Variants in PPARGC1A observed in about 807,000 individuals in gnomAD.
The protein encoded by PPARGC1A is peroxisome proliferator-activated receptor gamma coactivator 1-alpha.
Under a neutral mutation model 88.7 loss-of-function variants are expected in PPARGC1A, and 25 were observed. The observed-to-expected ratio is 0.28, with a 90% CI of 0.21 to 0.39. PPARGC1A has a LOEUF of 0.39. Ranked by LOEUF, PPARGC1A falls within the 10% of genes least tolerant of loss-of-function variation. PPARGC1A has a pLI of 1.00. For synonymous variants in PPARGC1A, 363 were observed against 355.6 expected (o/e 1.02, Z -0.24); for missense variants, 880 against 968.7 (o/e 0.91, Z 1.22).
chr4:24,029,489 T>C, the PPARGC1A span, among the ~76,000 whole-genome samples: 1 of 152,336 alleles, frequency 6.6e-6, no homozygotes, highest in East Asian at 1.9e-4. Flanking sequence ...CTCAGATTGC[T>C]ATGTAACTGG....
At chr4:24,429,300 G>A in the PPARGC1A span, among the ~76,000 whole-genome samples, 1 of 152,052 alleles carries the variant, frequency 6.6e-6, no homozygotes, top group Non-Finnish European at 1.5e-5. Flanking sequence ...CACTCACACA[G>A]TTTTTTATAT....
chr4:24,320,752 G>A, the PPARGC1A span, among the ~76,000 whole-genome samples: 8 of 152,112 alleles, frequency 5.3e-5, no homozygotes, highest in African/African-American at 1.9e-4. Context: ...CCACTCCTAG[G>A]AGACCCTCTT....
chr4:24,440,338 C>T, the PPARGC1A span, among the ~76,000 whole-genome samples: 2 of 152,280 alleles, frequency 1.3e-5, no homozygotes, highest in East Asian at 1.9e-4. Flanking sequence ...AGCTCCTCAT[C>T]GGTTTTTTCC....
chr4:24,424,219 A>T, the PPARGC1A span, among the ~76,000 whole-genome samples: 1 of 130,210 alleles, frequency 7.7e-6, no homozygotes, highest in South Asian at 2.4e-4. Context: ...TAGGAAAAGG[A>T]AAAAAAAAAT....
At chr4:23,980,416 T>G in the PPARGC1A span, among the ~76,000 whole-genome samples, 1 of 152,128 alleles carries the variant, frequency 6.6e-6, no homozygotes, top group Non-Finnish European at 1.5e-5. Context: ...GCTCACTAAG[T>G]AAATTCACTT....
the PPARGC1A span, among the ~76,000 whole-genome samples, chr4:24,210,048 T>C: frequency 6.6e-6 from 1 of 152,198 alleles, no homozygotes; most frequent in Non-Finnish European, 1.5e-5. Context: ...TTCAATTATG[T>C]ACTAAACACC....
chr4:23,961,269 AAAG>A, the PPARGC1A span, among the ~76,000 whole-genome samples: 658 of 152,246 alleles, frequency 4.3e-3, 6 homozygotes, highest in African/African-American at 0.015. Flanking sequence ...ACTGCACTCG[AAAG>A]AAGAAGGTCA....
chr4:23,831,620 C>T lies in PPARGC1A; in HGVS notation c.366G>A (p.Glu122=), dbSNP rs142039972. 298 of 1,614,132 alleles carry T rather than the reference C, an allele frequency of 1.8e-4. 1 individual carries two copies. In the African/African-American group the frequency reaches 3.4e-3, roughly 19 times the overall value. The part of the protein sequence containing the change: ...LTDGDVTTDN[E]ASPSSMPDGT... ...CGTCAGGCATGGAGGAAGGACTAGC[C>T]TCATTGTCAGTGGTCACGTCTCCAT... Residue 122 remains glutamate (E), a synonymous_variant, in exon 3 of 13, where the codon GAG becomes GAA. Transcript: ENST00000264867.
chr4:24,451,659 C>G, the PPARGC1A span, among the ~76,000 whole-genome samples: 2 of 152,158 alleles, frequency 1.3e-5, no homozygotes, highest in African/African-American at 4.8e-5. Context: ...CTTACTGCAA[C>G]CTCTGCCTCC....
the PPARGC1A span, among the ~76,000 whole-genome samples, chr4:24,327,249 CTG>C: frequency 6.6e-6 from 1 of 152,206 alleles, no homozygotes; most frequent in Non-Finnish European, 1.5e-5. Flanking sequence ...CCAACTTAGA[CTG>C]TGCCCCCAAA....
the PPARGC1A span, among the ~76,000 whole-genome samples, chr4:24,229,215 G>A: frequency 4.7e-5 from 6 of 128,854 alleles, no homozygotes; most frequent in East Asian, 4.9e-4. Context: ...GTACAGTGGC[G>A]CAATCTCAGC....
the PPARGC1A span, among the ~76,000 whole-genome samples, chr4:24,262,784 A>G: frequency 6.6e-6 from 1 of 151,686 alleles, no homozygotes; most frequent in African/African-American, 2.4e-5. Flanking sequence ...TTTTTTTTTA[A>G]CTTGGGATTT....
At chr4:24,299,571 G>T in the PPARGC1A span, among the ~76,000 whole-genome samples, 1 of 152,112 alleles carries the variant, frequency 6.6e-6, no homozygotes, top group Non-Finnish European at 1.5e-5. Flanking sequence ...TCACTCCTTG[G>T]AGTCTAAAAA....
At chr4:24,004,549 C>G in the PPARGC1A span, among the ~76,000 whole-genome samples, 1 of 152,152 alleles carries the variant, frequency 6.6e-6, no homozygotes, top group African/African-American at 2.4e-5. Flanking sequence ...CACCATTAAC[C>G]TAAAGCAAAT....
the PPARGC1A span, among the ~76,000 whole-genome samples, chr4:24,083,105 G>T: frequency 6.6e-6 from 1 of 152,136 alleles, no homozygotes; most frequent in African/African-American, 2.4e-5. Flanking sequence ...GAGCACACAT[G>T]ACTTGAGCCT....
the PPARGC1A span, among the ~76,000 whole-genome samples, chr4:23,977,148 A>G: frequency 6.6e-6 from 1 of 152,292 alleles, no homozygotes; most frequent in East Asian, 1.9e-4. Context: ...CTTGGTATCT[A>G]CTTTGGACCA....
At chr4:23,909,871 G>A in the PPARGC1A span, among the ~76,000 whole-genome samples, 1 of 151,442 alleles carries the variant, frequency 6.6e-6, no homozygotes, top group Non-Finnish European at 1.5e-5. Context: ...AGTGACAAAT[G>A]ATGAATCATA....
At chr4:24,217,708 C>G in the PPARGC1A span, among the ~76,000 whole-genome samples, 1 of 152,134 alleles carries the variant, frequency 6.6e-6, no homozygotes, top group Non-Finnish European at 1.5e-5. Flanking sequence ...GAGGCTGAGG[C>G]AGGAGAATCA....
At chr4:24,030,361 G>A in the PPARGC1A span, among the ~76,000 whole-genome samples, 2 of 152,176 alleles carry the variant, frequency 1.3e-5, no homozygotes, top group African/African-American at 4.8e-5. Context: ...CACATTGGGG[G>A]CGTCATTTAT....
Sources: gnomAD v4.1 joint callset for allele counts (sites outside exome capture counted in the v4.1 genomes callset) on GRCh38, gnomAD v4.1.1 for gene constraint, MANE v1.5 for transcripts, NCBI Gene and HGNC (gene_info 2026-07-23, HGNC 2026-07-21) for gene names.